Variants in TNIK observed in about 807,000 individuals in gnomAD.
TNIK encodes TRAF2 and NCK interacting kinase.
TNIK carries 49 observed loss-of-function variants against 191.3 expected under a neutral mutation model. The ratio of observed to expected loss-of-function variants is 0.26; its 90% CI spans 0.20 to 0.32. TNIK has a LOEUF of 0.32. Ranked by LOEUF, TNIK falls within the 10% of genes least tolerant of loss-of-function variation. The probability of loss-of-function intolerance (pLI) is 1.00; values close to 1 mark genes in which losing one functional copy is unlikely to be tolerated. For synonymous variants in TNIK, 594 were observed against 600.9 expected, an observed-to-expected ratio of 0.99 and a Z score of 0.17; for missense variants, 1,155 against 1,702.3, an observed-to-expected ratio of 0.68 and a Z score of 5.66.
At chr3:171,292,301 A>T (rs1751771521) in intron 2 of TNIK, among the ~76,000 whole-genome samples, 1 of 152,238 alleles carries the variant, frequency 6.6e-6, no homozygotes, top group South Asian at 2.1e-4. Flanking sequence ...TATCCTAAAC[A>T]TTATGAATAT....
intron 4 of TNIK, among the ~76,000 whole-genome samples, chr3:171,197,237 A>G (rs1434559901): frequency 6.6e-6 from 1 of 152,186 alleles, no homozygotes; most frequent in Non-Finnish European, 1.5e-5. Context: ...CACACCCTAT[A>G]CAAAAATATT....
intron 2 of TNIK, among the ~76,000 whole-genome samples, chr3:171,275,493 G>GA (rs1368150295): frequency 3.3e-5 from 5 of 152,122 alleles, no homozygotes; most frequent in East Asian, 1.9e-4. Context: ...AAGTAAACTA[G>GA]AAAAAATCTT....
At chr3:171,118,267 C>T (rs897534187) in intron 18 of TNIK, among the ~76,000 whole-genome samples, 1 of 152,144 alleles carries the variant, frequency 6.6e-6, no homozygotes, top group African/African-American at 2.4e-5. Context: ...AACTACAAAC[C>T]ACTGCTCAAC....
At chr3:171,455,963 G>A (rs1394932141) in intron 1 of TNIK, among the ~76,000 whole-genome samples, 2 of 152,230 alleles carry the variant, frequency 1.3e-5, no homozygotes, top group Non-Finnish European at 2.9e-5. Context: ...TAAAACATGA[G>A]CATGAAAAGT....
chr3:171,319,659 T>C (rs1347017747), intron 2 of TNIK, among the ~76,000 whole-genome samples: 1 of 152,168 alleles, frequency 6.6e-6, no homozygotes, highest in East Asian at 1.9e-4. Context: ...TTATGAGCAG[T>C]TGATTAGAGA....
At chr3:171,454,444 C>G (rs1017676394) in intron 1 of TNIK, among the ~76,000 whole-genome samples, 2 of 152,156 alleles carry the variant, frequency 1.3e-5, no homozygotes, top group Non-Finnish European at 2.9e-5. Context: ...TGGGTACTCT[C>G]TCATCAACAA....
chr3:171,367,291 T>G (rs79583046), intron 2 of TNIK, among the ~76,000 whole-genome samples: 4,958 of 152,270 alleles, frequency 0.033, 258 homozygotes, highest in African/African-American at 0.11. Flanking sequence ...TTTATTAAAC[T>G]TTAATCTTTT....
chr3:171,323,970 T>A (rs937708006), intron 2 of TNIK, among the ~76,000 whole-genome samples: 1 of 152,026 alleles, frequency 6.6e-6, no homozygotes, highest in Non-Finnish European at 1.5e-5. Flanking sequence ...CCAAAACCCC[T>A]CCACAGAAAA....
chr3:171,276,527 C>T (rs1461178239), intron 2 of TNIK, among the ~76,000 whole-genome samples: 1 of 152,136 alleles, frequency 6.6e-6, no homozygotes, highest in African/African-American at 2.4e-5. Flanking sequence ...GCCATACGAA[C>T]AAGAAAATTA....
intron 2 of TNIK, among the ~76,000 whole-genome samples, chr3:171,309,879 C>T (rs1390445748): frequency 6.6e-6 from 1 of 152,122 alleles, no homozygotes; most frequent in East Asian, 1.9e-4. Flanking sequence ...CTTTTCCTTT[C>T]TCTGGATTTT....
chr3:171,357,552 T>A (rs866063936), intron 2 of TNIK, among the ~76,000 whole-genome samples: 1 of 52,264 alleles, frequency 1.9e-5, no homozygotes, highest in African/African-American at 9.9e-5. Context: ...GCCTCTGTAC[T>A]TTTTTTTTTT....
chr3:171,155,403 G>A (rs1264250764), intron 12 of TNIK, among the ~76,000 whole-genome samples: 1 of 152,200 alleles, frequency 6.6e-6, no homozygotes, highest in Non-Finnish European at 1.5e-5. Flanking sequence ...TAAGATGAAG[G>A]ATCAAAAGAG....
intron 4 of TNIK, among the ~76,000 whole-genome samples, chr3:171,199,775 T>C (rs1030112399): frequency 2.6e-5 from 4 of 152,198 alleles, no homozygotes; most frequent in African/African-American, 7.2e-5. Flanking sequence ...ACCTTACAGG[T>C]TTGATGTGAA....
At chr3:171,395,255 G>A (rs1032060095) in intron 1 of TNIK, among the ~76,000 whole-genome samples, 6 of 152,126 alleles carry the variant, frequency 3.9e-5, no homozygotes, top group African/African-American at 7.2e-5. Flanking sequence ...TCTATCCCTC[G>A]CTAACTGGCT....
intron 1 of TNIK, among the ~76,000 whole-genome samples, chr3:171,376,771 G>A (rs1717308965): frequency 6.6e-6 from 1 of 151,896 alleles, no homozygotes; most frequent in South Asian, 2.1e-4. Flanking sequence ...TAGATAGATA[G>A]ATAGATAGAT....
intron 12 of TNIK, among the ~76,000 whole-genome samples, chr3:171,156,733 G>A (rs942347231): frequency 6.6e-6 from 1 of 152,224 alleles, no homozygotes; most frequent in South Asian, 2.1e-4. Flanking sequence ...ACACAGATAA[G>A]CAGTATCTGC....
chr3:171,084,586 C>T (rs1244794010), intron 25 of TNIK, among the ~76,000 whole-genome samples: 2 of 152,130 alleles, frequency 1.3e-5, no homozygotes, highest in African/African-American at 4.8e-5. Context: ...AAATTAAATA[C>T]ACCATCCCCA....
intron 19 of TNIK, among the ~76,000 whole-genome samples, chr3:171,108,737 C>G (rs535586409): frequency 6.6e-6 from 1 of 151,998 alleles, no homozygotes; most frequent in East Asian, 1.9e-4. Context: ...TTTGGTGGAA[C>G]GGTTTTTAAT....
At position 171,451,901 on chromosome 3, in the gene TNIK, A is replaced by G. The variant is rs185614855; in HGVS notation, c.57+8106T>C. Reference sequence around the variant, plus strand: ...TAATCACATTTCACAGAATCACAGAATACTGGGCCTGAATTTACCCTGCAC... The same window carrying G: ...TAATCACATTTCACAGAATCACAGAGTACTGGGCCTGAATTTACCCTGCAC... On this transcript the variant is annotated intron_variant, in intron 1 of 32. Coordinates refer to ENST00000436636, the MANE Select transcript of TNIK (RefSeq NM_015028.4). Among the ~76,000 whole-genome samples, 18 of 152,348 alleles carry G rather than the reference A, an allele frequency of 1.2e-4. No homozygotes were observed. In the East Asian group the frequency reaches 2.9e-3, roughly 24 times the overall value.
Sources: gnomAD v4.1 joint callset for allele counts (sites outside exome capture counted in the v4.1 genomes callset) on GRCh38, gnomAD v4.1.1 for gene constraint, MANE v1.5 for transcripts, NCBI Gene and HGNC (gene_info 2026-07-23, HGNC 2026-07-21) for gene names.